GRWD1: variants seen among roughly 807,000 people sequenced by gnomAD.
GRWD1 encodes glutamate rich WD repeat containing 1, also known as glutamate-rich WD repeat-containing protein 1.
In GRWD1, 29 loss-of-function variants were observed where a neutral mutation model predicts 45.3. The observed-to-expected ratio is 0.64, with a 90% CI of 0.48 to 0.87. GRWD1 has a LOEUF of 0.87. Among genes scored for constraint, GRWD1 ranks in the 40% least tolerant of loss-of-function variants. The probability of loss-of-function intolerance (pLI) is 0.00; values close to 1 mark genes in which losing one functional copy is unlikely to be tolerated. For synonymous variants in GRWD1, 262 were observed against 257.6 expected, an observed-to-expected ratio of 1.02 and a Z score of -0.16; for missense variants, 592 against 618.8, an observed-to-expected ratio of 0.96 and a Z score of 0.46.
chr19:48,456,428 A>T lies in GRWD1; in HGVS notation c.*3403A>T, dbSNP rs1971540148. 1 of 152,264 alleles carries T rather than the reference A, an allele frequency of 6.6e-6. No individual in the cohort carries two copies. The highest frequency in any genetic ancestry group is 1.5e-5 in the Non-Finnish European group (1 of 68,058). 9.4% of individuals were successfully genotyped at this position (152,264 alleles called of 1,614,324 possible). A position where few individuals can be genotyped will look rare whatever the true frequency, so the allele number is the denominator to read the frequency against. ...GGTTGGGGTACACTGTGGGCACTGG[A>T]CACAGCCAGGCTGGTCCCCTCACCT... is the stretch of plus-strand genomic sequence containing the variant. On this transcript the variant is annotated 3_prime_UTR_variant, in exon 7 of 7. Coordinates refer to ENST00000253237, the MANE Select transcript of GRWD1 (RefSeq NM_031485.4).
intron 3 of GRWD1, among the ~76,000 whole-genome samples, chr19:48,449,743 C>T (rs543300719): frequency 3.8e-4 from 58 of 152,124 alleles, no homozygotes; most frequent in Non-Finnish European, 7.5e-4. Flanking sequence ...ATCACTTGAG[C>T]CCAGGAGGTT....
rs1415849526 is a variant in GRWD1, at chr19:48,446,037, G to A, written c.32G>A (p.Cys11Tyr). The change falls in exon 1 of 7, where the codon TGT (cysteine) becomes TAT (tyrosine). Residue 11 changes from cysteine to tyrosine, a missense_variant. Cys to Tyr is a radical substitution (Grantham distance 194). Transcript: ENST00000253237. The stretch of plus-strand genomic sequence containing the variant: ...GCGCGCAAGGGTCGGCGGCGCACGT[G>A]TGAAACCGGGGAACCCATGGAAGCC... MAARKGRRRT[C>Y]ETGEPMEAES... 1.3e-6 allele frequency: 2 copies of A among 1,596,320 alleles called. No individual in the cohort carries two copies. Among genetic ancestry groups the A allele is most frequent in the Non-Finnish European group, 1.7e-6 (2 of 1,172,822 alleles).
At chr19:48,446,878 C>G (rs1971411853) in intron 3 of GRWD1, 35 bp downstream of exon 3, 5 of 1,588,844 alleles carry the variant, frequency 3.1e-6, no homozygotes, top group Non-Finnish European at 3.4e-6. Context: ...TCTGCATACT[C>G]TGAAACACAT....
chr19:48,451,962 G>A (rs1436429049), intron 6 of GRWD1, among the ~76,000 whole-genome samples: 2 of 152,228 alleles, frequency 1.3e-5, no homozygotes, highest in Non-Finnish European at 2.9e-5. Flanking sequence ...GGCCTTTGCT[G>A]TAGTGAAAGT....
rs1009756394 is a variant in GRWD1, at chr19:48,446,261, G to A, written c.187+69G>A. On this transcript the variant is annotated intron_variant, in intron 1 of 6. Transcript: ENST00000253237. ...CGAGCCTTTAACCTGAGAGGTGCTCGGGAAGAGAAGGCTGGGGTCTAAGAG... is the reference window on the plus strand; with the variant it reads ...CGAGCCTTTAACCTGAGAGGTGCTCAGGAAGAGAAGGCTGGGGTCTAAGAG... The A allele has an allele frequency of 2.6e-6, 4 of 1,564,084 alleles. No individual in the cohort carries two copies. In the African/African-American group the frequency reaches 5.5e-5, roughly 21 times the overall value.
rs745437501 is a variant in GRWD1 at position 48,450,995 on chromosome 19, TG to T, written c.826-33del. 1.9e-6 allele frequency: 3 copies of T among 1,590,868 alleles called. No homozygotes were observed. Among genetic ancestry groups the T allele is most frequent in the Non-Finnish European group, 1.7e-6 (2 of 1,164,396 alleles). The stretch of plus-strand genomic sequence containing the variant: ...CTGGCGCTTGGGCTTCACTGCGGGC[TG>T]GGGGGCATTGGGACCACTCAGACTC... On this transcript the variant is annotated intron_variant, in intron 5 of 6. Transcript: ENST00000253237. This position sits in a 1 kb window ranked among gnomAD's most constrained non-coding sequence, Gnocchi z 5.1.
Position 48,452,573 on chromosome 19 carries a change from T to G in GRWD1, c.1024-135T>G. ...TACCCTGTGTCCCTTTCCTGGACTCTGGGCTTGTGAGGGCTTAAGGGGTGG... is the reference window on the plus strand; with the variant it reads ...TACCCTGTGTCCCTTTCCTGGACTCGGGGCTTGTGAGGGCTTAAGGGGTGG... On this transcript the variant is annotated intron_variant, in intron 6 of 6. Transcript: ENST00000253237. The surrounding 1 kb of genome is among the most constrained non-coding windows in gnomAD (Gnocchi z 5.1). 1 of 719,212 alleles carries G rather than the reference T, an allele frequency of 1.4e-6. No homozygotes were observed. The highest frequency in any genetic ancestry group is 2.3e-6 in the Non-Finnish European group (1 of 432,838). 44.6% of individuals were successfully genotyped at this position (719,212 alleles called of 1,614,324 possible). A position where few individuals can be genotyped will look rare whatever the true frequency, so the allele number is the denominator to read the frequency against.
chr19:48,448,058 T>C (rs139699230), intron 3 of GRWD1, among the ~76,000 whole-genome samples: 38 of 152,282 alleles, frequency 2.5e-4, no homozygotes, highest in Non-Finnish European at 4.9e-4. Flanking sequence ...TTCAAGTGAT[T>C]CTCCTGCCTC....
chr19:48,446,862 GC>G lies in GRWD1; in HGVS notation c.468+21del, dbSNP rs746684279. ...AGTTCGGGTAAGTATGGTCCCAGGA[GC>G]CTGCTCTGCATACTCTGAAACACAT... On this transcript the variant is annotated intron_variant, in intron 3 of 6. Transcript: ENST00000253237. The G allele has an allele frequency of 1.9e-6, 3 of 1,608,100 alleles. No individual in the cohort carries two copies. Among genetic ancestry groups the G allele is most frequent in the Middle Eastern group, 4.2e-4 (2 of 4,766 alleles).
rs1287296025 is a variant in GRWD1 at position 48,450,748 on chromosome 19, G to A, written c.765G>A (p.Arg255=). 6.2e-7 allele frequency: 1 copy of A among 1,613,934 alleles called. No homozygotes were observed. Among genetic ancestry groups the A allele is most frequent in the Non-Finnish European group, 8.5e-7 (1 of 1,180,024 alleles). The stretch of plus-strand genomic sequence containing the variant: ...GCGGCTCCTGGCACGTGGACCAGCG[G>A]CCATTCGTGGGCCACACACGCTCTG... ...TDGGSWHVDQ[R]PFVGHTRSVE... Residue 255 remains arginine (R), a synonymous_variant, in exon 5 of 7, where the codon CGG becomes CGA. Coordinates refer to ENST00000253237, the MANE Select transcript of GRWD1 (RefSeq NM_031485.4). The surrounding 1 kb of genome is among the most constrained non-coding windows in gnomAD (Gnocchi z 5.1).
At position 48,454,698 on chromosome 19, in the gene GRWD1, G is replaced by A. The variant is rs1354156757; in HGVS notation, c.*1673G>A. The A allele has an allele frequency of 2.0e-5, 3 of 151,580 alleles. No individual in the cohort carries two copies. Among genetic ancestry groups the A allele is most frequent in the South Asian group, 2.1e-4 (1 of 4,800 alleles). The allele number at this position is 151,580 out of a possible 1,614,324, so 9.4% of individuals were successfully genotyped here. A position where few individuals can be genotyped will look rare whatever the true frequency, so the allele number is the denominator to read the frequency against. On this transcript the variant is annotated 3_prime_UTR_variant, in exon 7 of 7. Coordinates refer to ENST00000253237, the MANE Select transcript of GRWD1 (RefSeq NM_031485.4). ...GTCCTCAGCTTGTCCCCTTCAAGAA[G>A]GCCTTGTCTTCCCATCAGTGACAGG...
chr19:48,455,797 C>G lies in GRWD1; in HGVS notation c.*2772C>G, dbSNP rs1187195432. ...TGGCCAGCTCATGGCGTTCCCTGAGCCTGTTCCCCAACTGTGAAAGGGGGT... is the reference window on the plus strand; with the variant it reads ...TGGCCAGCTCATGGCGTTCCCTGAGGCTGTTCCCCAACTGTGAAAGGGGGT... On this transcript the variant is annotated 3_prime_UTR_variant, in exon 7 of 7. Coordinates refer to ENST00000253237, the MANE Select transcript of GRWD1 (RefSeq NM_031485.4). The G allele has an allele frequency of 1.3e-5, 2 of 152,286 alleles. No individual in the cohort carries two copies. The highest frequency in any genetic ancestry group is 2.4e-5 in the African/African-American group (1 of 41,452). The allele number at this position is 152,286 out of a possible 1,614,324, so 9.4% of individuals were successfully genotyped here. A position where few individuals can be genotyped will look rare whatever the true frequency, so the allele number is the denominator to read the frequency against.
At chr19:48,446,356 A>G in intron 1 of GRWD1, 29 bp from the exon 2 acceptor site, 1 of 1,606,090 alleles carries the variant, frequency 6.2e-7, no homozygotes, top group Non-Finnish European at 8.5e-7. Context: ...GTCCCGTCTT[A>G]ACTCGTAAAC....
rs764170079 is a variant in GRWD1, at chr19:48,450,288, CCCTT to C, written c.469-22_469-19del. ...CCTCCTCTCCCCTCGCTTCACATCACCCTTCCCCCACCGCTCTTCTGCAGGTGTC... is the reference window on the plus strand; with the variant it reads ...CCTCCTCTCCCCTCGCTTCACATCACCCCCCACCGCTCTTCTGCAGGTGTC... On this transcript the variant is annotated intron_variant, in intron 3 of 6. Coordinates refer to ENST00000253237, the MANE Select transcript of GRWD1 (RefSeq NM_031485.4). This position sits in a 1 kb window ranked among gnomAD's most constrained non-coding sequence, Gnocchi z 5.1. 12 of 1,587,882 alleles carry C rather than the reference CCCTT, an allele frequency of 7.6e-6. No individual in the cohort carries two copies. Among genetic ancestry groups the C allele is most frequent in the Admixed American group, 3.5e-5 (2 of 56,902 alleles).
chr19:48,447,291 G>C (rs1971421639), intron 3 of GRWD1, among the ~76,000 whole-genome samples: 1 of 151,820 alleles, frequency 6.6e-6, no homozygotes, highest in South Asian at 2.1e-4. Flanking sequence ...CTGTCGCTTA[G>C]ACTGGAGGGC....
At position 48,446,065 on chromosome 19, in the gene GRWD1, G is replaced by A. The variant is rs1971397001; in HGVS notation, c.60G>A (p.Glu20=). The A allele has an allele frequency of 6.3e-7, 1 of 1,597,544 alleles. No homozygotes were observed. Among genetic ancestry groups the A allele is most frequent in the African/African-American group, 1.3e-5 (1 of 74,772 alleles). The change falls in exon 1 of 7, where the codon GAG becomes GAA. Residue 20 remains glutamate (E), a synonymous_variant. Transcript: ENST00000253237. ...TCETGEPMEA[E]SGDTSSEGPA... Reference sequence around the variant, plus strand: ...AAACCGGGGAACCCATGGAAGCCGAGTCCGGCGACACAAGTTCCGAGGGCC... The same window carrying A: ...AAACCGGGGAACCCATGGAAGCCGAATCCGGCGACACAAGTTCCGAGGGCC...
Position 48,452,037 on chromosome 19 carries a change from C to T in GRWD1, c.1024-671C>T, listed in dbSNP as rs1971480626. 6.6e-6 allele frequency among the ~76,000 whole-genome samples: 1 copy of T among 151,808 alleles called. No homozygotes were observed. The highest frequency in any genetic ancestry group is 6.6e-5 in the Admixed American group (1 of 15,264). On this transcript the variant is annotated intron_variant, in intron 6 of 6. Coordinates refer to ENST00000253237, the MANE Select transcript of GRWD1 (RefSeq NM_031485.4). This position sits in a 1 kb window ranked among gnomAD's most constrained non-coding sequence, Gnocchi z 5.1. ...ATTGTGTTTCTGCCTCCTTTGAGGC[C>T]TTTGTAGAATCTGCTGGGAGAGCTC...
At chr19:48,449,421 C>T (rs1971446256) in intron 3 of GRWD1, among the ~76,000 whole-genome samples, 1 of 152,180 alleles carries the variant, frequency 6.6e-6, no homozygotes, top group Non-Finnish European at 1.5e-5. Context: ...CTGTAGTCAG[C>T]ATAGGTGCTG....
chr19:48,449,501 A>G (rs577410395), intron 3 of GRWD1, among the ~76,000 whole-genome samples: 4 of 152,238 alleles, frequency 2.6e-5, no homozygotes, highest in Non-Finnish European at 5.9e-5. Flanking sequence ...GCAGGTGGCA[A>G]TTAGGAGCTT....
Sources: allele counts gnomAD v4.1 joint callset (sites outside exome capture counted in the v4.1 genomes callset), GRCh38; gene constraint gnomAD v4.1.1; non-coding constraint Gnocchi (gnomAD v3.1); transcripts MANE v1.5; gene names NCBI Gene and HGNC (gene_info 2026-07-23, HGNC 2026-07-21).